KLHL28: variants seen among roughly 807,000 people sequenced by gnomAD.
KLHL28 encodes kelch-like protein 28.
Under a neutral mutation model 48.3 loss-of-function variants are expected in KLHL28, and 22 were observed. That is an observed-to-expected ratio of 0.46 (90% CI 0.33 to 0.65). KLHL28 has a LOEUF of 0.65. Ranked by LOEUF, KLHL28 falls within the 30% of genes least tolerant of loss-of-function variation. The probability of loss-of-function intolerance (pLI) is 0.03; values close to 1 mark genes in which losing one functional copy is unlikely to be tolerated. For missense variants in KLHL28, 527 were observed against 704.3 expected (o/e 0.75, Z 2.85); for synonymous variants, 243 against 242.4 (o/e 1.00, Z -0.02).
At chr14:44,956,159 C>T (rs144393904) in intron 1 of KLHL28, among the ~76,000 whole-genome samples, 1 of 152,106 alleles carries the variant, frequency 6.6e-6, no homozygotes, top group Non-Finnish European at 1.5e-5. Flanking sequence ...TAGGGTCTTG[C>T]TACCTTGCCG....
rs896439519 is a variant in KLHL28 at position 44,926,154 on chromosome 14, G to A, written c.*2874C>T. The stretch of plus-strand genomic sequence containing the variant: ...TTCTCACAAATTTGTAAAAGAAGGC[G>A]CTAATGTAAACATATTAGTTGTCAG... On this transcript the variant is annotated 3_prime_UTR_variant, in exon 5 of 5. Coordinates refer to ENST00000396128, the MANE Select transcript of KLHL28 (RefSeq NM_017658.5). 1 of 152,174 alleles carries A rather than the reference G, an allele frequency of 6.6e-6. No individual in the cohort carries two copies. Among genetic ancestry groups the A allele is most frequent in the African/African-American group, 2.4e-5 (1 of 41,440 alleles). 9.4% of individuals were successfully genotyped at this position (152,174 alleles called of 1,614,324 possible).
In KLHL28 at chr14:44,945,455, T is replaced by C. The variant is rs111422993; in HGVS notation, c.474A>G (p.Lys158=). ...CAGCTTCAAAATTCTGGCATATGTATTTAGTGGCTGCCAAATAAAGGTCAC... is the reference window on the plus strand; with the variant it reads ...CAGCTTCAAAATTCTGGCATATGTACTTAGTGGCTGCCAAATAAAGGTCAC... ...GCRDLYLAAT[K]YICQNFEAVC... is the part of the protein sequence containing the mutation. The change falls in exon 2 of 5, where the codon AAA becomes AAG. Residue 158 remains lysine, a synonymous_variant. Transcript: ENST00000396128. 2.8e-5 allele frequency: 45 copies of C among 1,614,188 alleles called. No homozygotes were observed. In the African/African-American group the frequency reaches 3.1e-4, roughly 11 times the overall value.
At chr14:44,937,127 G>GA (rs1566565756) in intron 2 of KLHL28, among the ~76,000 whole-genome samples, 3 of 150,400 alleles carry the variant, frequency 2.0e-5, no homozygotes, top group Non-Finnish European at 4.4e-5. Context: ...GAATTGAATT[G>GA]TTTTTTTTGT....
rs932404170 is a variant in KLHL28, at chr14:44,925,326, C to A, written c.*3702G>T. On this transcript the variant is annotated 3_prime_UTR_variant, in exon 5 of 5. Coordinates refer to ENST00000396128, the MANE Select transcript of KLHL28 (RefSeq NM_017658.5). ...TATTTCTCTCAATGTCAGCCAGAGT[C>A]TTGATACTACAGGAAATATATATAT... 1 of 152,054 alleles carries A rather than the reference C, an allele frequency of 6.6e-6. No individual in the cohort carries two copies. Among genetic ancestry groups the A allele is most frequent in the Non-Finnish European group, 1.5e-5 (1 of 67,946 alleles). 9.4% of individuals were successfully genotyped at this position (152,054 alleles called of 1,614,324 possible).
At chr14:44,938,776 G>A (rs1307079032) in intron 2 of KLHL28, among the ~76,000 whole-genome samples, 1 of 152,212 alleles carries the variant, frequency 6.6e-6, no homozygotes. Context: ...TGGCAGCCCT[G>A]TCCCCATAAC....
At chr14:44,954,197 C>T (rs1208125915) in intron 1 of KLHL28, among the ~76,000 whole-genome samples, 1 of 152,052 alleles carries the variant, frequency 6.6e-6, no homozygotes, top group Non-Finnish European at 1.5e-5. Flanking sequence ...GAAAATGATA[C>T]AAAACCTCTG....
At chr14:44,929,251 C>A in intron 4 of KLHL28, 60 bp from the exon 5 acceptor site, 1 of 1,365,168 alleles carries the variant, frequency 7.3e-7, no homozygotes, top group Non-Finnish European at 1.0e-6. Context: ...TACTTTTTCT[C>A]ACTAAAAATA....
In KLHL28 at chr14:44,934,155, T is replaced by C. The variant is rs1410595467; in HGVS notation, c.1303A>G (p.Ile435Val). The change falls in exon 3 of 5, where the codon ATA becomes GTA. Residue 435 changes from isoleucine (I) to valine (V), a missense_variant. Ile to Val is a conservative substitution (Grantham distance 29). Coordinates refer to ENST00000396128, the MANE Select transcript of KLHL28 (RefSeq NM_017658.5). ...GGACCATACCCACCAATGGCATATA[T>C]CATTCCATCCAATACCGCTGCAGCA... ...CFAAAVLDGM[I>V]YAIGGYGPAH... 3 of 1,614,004 alleles carry C rather than the reference T, an allele frequency of 1.9e-6. No homozygotes were observed. Among genetic ancestry groups the C allele is most frequent in the Non-Finnish European group, 2.5e-6 (3 of 1,179,994 alleles).
intron 1 of KLHL28, among the ~76,000 whole-genome samples, chr14:44,958,075 CT>C (rs781136933): frequency 0.027 from 3,468 of 126,702 alleles, 39 homozygotes; most frequent in Middle Eastern, 0.051. Flanking sequence ...AGTTTTTGTT[CT>C]TTTTTTTTTT....
intron 1 of KLHL28, among the ~76,000 whole-genome samples, chr14:44,954,496 C>T (rs954172704): frequency 6.6e-6 from 1 of 152,148 alleles, no homozygotes; most frequent in Non-Finnish European, 1.5e-5. Flanking sequence ...CCACACAATG[C>T]AGTACTATAC....
chr14:44,937,678 C>T (rs529522815), intron 2 of KLHL28, among the ~76,000 whole-genome samples: 1 of 152,272 alleles, frequency 6.6e-6, no homozygotes, highest in South Asian at 2.1e-4. Flanking sequence ...CAGAATACTA[C>T]AGACTGGGTA....
At chr14:44,929,226 G>A (rs757226387) in intron 4 of KLHL28, 35 bp from the exon 5 acceptor site, 6 of 1,543,650 alleles carry the variant, frequency 3.9e-6, no homozygotes, top group Non-Finnish European at 5.3e-6. Context: ...ATAGAAACAT[G>A]TTAACCATGA....
intron 1 of KLHL28, among the ~76,000 whole-genome samples, chr14:44,954,598 T>C (rs1192213159): frequency 6.6e-6 from 1 of 152,120 alleles, no homozygotes; most frequent in Non-Finnish European, 1.5e-5. Flanking sequence ...TCACCATTTA[T>C]CTACGATAGG....
At position 44,927,120 on chromosome 14, in the gene KLHL28, G is replaced by A. The variant is rs1883399293; in HGVS notation, c.*1908C>T. 6.6e-6 allele frequency: 1 copy of A among 152,534 alleles called. No homozygotes were observed. The highest frequency in any genetic ancestry group is 1.5e-5 in the Non-Finnish European group (1 of 67,994). The allele number at this position is 152,534 out of a possible 1,614,324, so 9.4% of individuals were successfully genotyped here. ...CTCAGACTATCAATTGTTATTAGTT[G>A]CTCCTGTTGAGTTCTAAATTAGAAG... On this transcript the variant is annotated 3_prime_UTR_variant, in exon 5 of 5. Coordinates refer to ENST00000396128, the MANE Select transcript of KLHL28 (RefSeq NM_017658.5).
At chr14:44,933,936 G>A (rs2138589191) in intron 3 of KLHL28, among the ~76,000 whole-genome samples, 179 bp downstream of exon 3, 1 of 152,274 alleles carries the variant, frequency 6.6e-6, no homozygotes, top group Non-Finnish European at 1.5e-5. Flanking sequence ...GGATTTGATT[G>A]TTAGGTTTGT....
At chr14:44,958,558 C>T (rs749402319) in intron 1 of KLHL28, among the ~76,000 whole-genome samples, 1 of 152,106 alleles carries the variant, frequency 6.6e-6, no homozygotes, top group East Asian at 1.9e-4. Context: ...ATAATTCTAT[C>T]AGTGAGCCTA....
Position 44,931,548 on chromosome 14 carries a change from A to G in KLHL28, c.1344-7T>C, listed in dbSNP as rs766242008. The G allele has an allele frequency of 8.1e-6, 13 of 1,600,634 alleles. No individual in the cohort carries two copies. The highest frequency in any genetic ancestry group is 1.1e-5 in the South Asian group (1 of 89,124). Reference sequence around the variant, plus strand: ...TGGATCATAACGCTCCACACTGCAAATATTTAAAAAAAATTTAATTTACAG... The same window carrying G: ...TGGATCATAACGCTCCACACTGCAAGTATTTAAAAAAAATTTAATTTACAG... On this transcript the variant is annotated splice_region_variant and splice_polypyrimidine_tract_variant and intron_variant, in intron 3 of 4. Transcript: ENST00000396128.
intron 2 of KLHL28, among the ~76,000 whole-genome samples, chr14:44,938,307 G>A (rs996293126): frequency 6.6e-6 from 1 of 151,616 alleles, no homozygotes; most frequent in African/African-American, 2.4e-5. Flanking sequence ...TTCCAAAAGG[G>A]AGAAAAAGGA....
chr14:44,931,671 AC>A, intron 3 of KLHL28, 130 bp from the exon 4 acceptor site: 1 of 667,674 alleles, frequency 1.5e-6, no homozygotes, highest in East Asian at 2.7e-5. Context: ...GTAGTCTGCC[AC>A]AAATGCTTAG....
Sources: allele counts gnomAD v4.1 joint callset (sites outside exome capture counted in the v4.1 genomes callset), GRCh38; gene constraint gnomAD v4.1.1; transcripts MANE v1.5; gene names NCBI Gene and HGNC (gene_info 2026-07-23, HGNC 2026-07-21).